Variants in KCNN2 observed in about 807,000 individuals in gnomAD.
The protein encoded by KCNN2 is small conductance calcium-activated potassium channel protein 2.
In KCNN2, 24 loss-of-function variants were observed where a neutral mutation model predicts 55.5. The observed-to-expected ratio is 0.43, with a 90% CI of 0.31 to 0.61. KCNN2 has a LOEUF of 0.61. KCNN2 is among the 20% of genes least tolerant of loss of function. The probability of loss-of-function intolerance (pLI) is 0.08; values close to 1 mark genes in which losing one functional copy is unlikely to be tolerated. For missense variants in KCNN2, 754 were observed against 853.6 expected, an observed-to-expected ratio of 0.88 and a Z score of 1.45; for synonymous variants, 431 against 336.1, an observed-to-expected ratio of 1.28 and a Z score of -3.09.
intron 1 of KCNN2, among the ~76,000 whole-genome samples, chr5:114,113,963 C>T (rs994273578): frequency 3.3e-5 from 5 of 152,044 alleles, no homozygotes; most frequent in Non-Finnish European, 7.4e-5. Context: ...TTTGGGGTAG[C>T]ATATTTTGGG....
chr5:114,241,751 T>TAC lies in KCNN2; in HGVS notation c.-185+20186_-185+20187insAC, dbSNP rs1491525723. 2.0e-3 allele frequency among the ~76,000 whole-genome samples: 14 copies of TAC among 6,952 alleles called. 3 individuals are homozygous for TAC. Among genetic ancestry groups the TAC allele is most frequent in the African/African-American group, 3.8e-3 (8 of 2,102 alleles). 4.6% of individuals were successfully genotyped at this position (6,952 alleles called of 152,430 possible). ...ATATATACATATATACGTATATATA[T>TAC]GTATATATATACGTATATATATACA... On this transcript the variant is annotated intron_variant, in intron 2 of 10. Coordinates refer to the KCNN2 transcript ENST00000512097.
chr5:114,417,876 C>T (rs1167810894), intron 3 of KCNN2, among the ~76,000 whole-genome samples: 2 of 152,086 alleles, frequency 1.3e-5, no homozygotes, highest in Admixed American at 1.3e-4. Flanking sequence ...TATTTGATAC[C>T]ATCTGAATAG....
chr5:114,446,469 A>AT (rs1020744920), intron 3 of KCNN2, among the ~76,000 whole-genome samples: 46 of 152,130 alleles, frequency 3.0e-4, no homozygotes, highest in African/African-American at 1.1e-3. Flanking sequence ...TTTATATTTT[A>AT]TTTTTTGAGA....
intron 2 of KCNN2, among the ~76,000 whole-genome samples, chr5:114,321,134 A>G (rs778204895): frequency 2.6e-5 from 4 of 152,206 alleles, no homozygotes; most frequent in Non-Finnish European, 5.9e-5. Flanking sequence ...CTTTGAACCC[A>G]GGTACCTTCT....
chr5:114,285,424 G>A (rs994274141), intron 2 of KCNN2, among the ~76,000 whole-genome samples: 6 of 151,804 alleles, frequency 4.0e-5, no homozygotes, highest in Non-Finnish European at 8.8e-5. Flanking sequence ...GTTTAATAAT[G>A]TTAGAACATA....
At chr5:114,439,443 G>T (rs961840676) in intron 3 of KCNN2, among the ~76,000 whole-genome samples, 3 of 152,038 alleles carry the variant, frequency 2.0e-5, no homozygotes, top group Non-Finnish European at 4.4e-5. Context: ...TCTTTTTTAC[G>T]ATTGTACTCC....
intron 3 of KCNN2, among the ~76,000 whole-genome samples, chr5:114,413,233 T>C (rs1219496932): frequency 6.6e-6 from 1 of 152,170 alleles, no homozygotes; most frequent in Non-Finnish European, 1.5e-5. Flanking sequence ...CAAATTCAAT[T>C]TTCTCTTCTT....
chr5:114,106,351 G>A (rs1751482571), intron 1 of KCNN2, among the ~76,000 whole-genome samples: 1 of 150,356 alleles, frequency 6.7e-6, no homozygotes, highest in Admixed American at 6.7e-5. Flanking sequence ...TCATTGCTAT[G>A]GTATATATAT....
At chr5:114,367,728 C>G (rs1379001975) in intron 2 of KCNN2, among the ~76,000 whole-genome samples, 1 of 152,016 alleles carries the variant, frequency 6.6e-6, no homozygotes, top group East Asian at 1.9e-4. Context: ...CGGAGTTCAA[C>G]TATCCTTTAA....
At position 114,109,578 on chromosome 5, in the gene KCNN2, G is replaced by A. The variant is rs965070959; in HGVS notation, c.-271+53078G>A. ...TTTGTCTTAGCCATAACACCTTGGA[G>A]AGTAATGACACAACCGAATATGACC... is the stretch of plus-strand genomic sequence containing the variant. On this transcript the variant is annotated intron_variant, in intron 1 of 10. Transcript: ENST00000512097. 3.3e-5 allele frequency among the ~76,000 whole-genome samples: 5 copies of A among 152,160 alleles called. No homozygotes were observed. In the East Asian group the frequency reaches 9.7e-4, roughly 30 times the overall value.
At chr5:114,247,614 C>T (rs1754772983) in intron 2 of KCNN2, among the ~76,000 whole-genome samples, 1 of 152,170 alleles carries the variant, frequency 6.6e-6, no homozygotes, top group South Asian at 2.1e-4. Context: ...GAATAGTTAA[C>T]TTGCCTAATG....
At chr5:114,426,004 A>G (rs1017663563) in intron 3 of KCNN2, among the ~76,000 whole-genome samples, 2 of 145,660 alleles carry the variant, frequency 1.4e-5, no homozygotes, top group African/African-American at 2.6e-5. Flanking sequence ...ACATTACAAA[A>G]CCCCATCTCT....
intron 2 of KCNN2, among the ~76,000 whole-genome samples, chr5:114,306,060 T>C (rs1433798771): frequency 6.6e-6 from 1 of 152,210 alleles, no homozygotes; most frequent in Non-Finnish European, 1.5e-5. Flanking sequence ...TCAAGGTTTC[T>C]ATAGATTGCA....
At chr5:114,443,866 A>G (rs1461595912) in intron 3 of KCNN2, among the ~76,000 whole-genome samples, 4 of 152,192 alleles carry the variant, frequency 2.6e-5, no homozygotes, top group African/African-American at 9.6e-5. Flanking sequence ...CTAATTTGTC[A>G]TGTGGCTGGT....
intron 2 of KCNN2, among the ~76,000 whole-genome samples, chr5:114,375,887 A>C (rs1048777002): frequency 1.4e-5 from 2 of 146,774 alleles, no homozygotes; most frequent in Admixed American, 1.4e-4. Flanking sequence ...TTTTAAAACT[A>C]TTTTTGATTT....
At chr5:114,199,111 T>C (rs1032800008) in intron 1 of KCNN2, among the ~76,000 whole-genome samples, 1 of 152,120 alleles carries the variant, frequency 6.6e-6, no homozygotes, top group Admixed American at 6.5e-5. Context: ...TGCTTTGATA[T>C]TGGGTGCATA....
intron 1 of KCNN2, among the ~76,000 whole-genome samples, chr5:114,201,837 C>T (rs1364607408): frequency 6.6e-6 from 1 of 152,026 alleles, no homozygotes; most frequent in African/African-American, 2.4e-5. Flanking sequence ...GTTTCCCTGT[C>T]TGTCCTTGGC....
At chr5:114,401,337 A>T (rs560873460) in intron 2 of KCNN2, among the ~76,000 whole-genome samples, 8 of 152,322 alleles carry the variant, frequency 5.3e-5, no homozygotes, top group African/African-American at 1.9e-4. Context: ...ATGCTGCTGC[A>T]ATGACTTATT....
chr5:114,266,193 G>A (rs1357071850), intron 2 of KCNN2, among the ~76,000 whole-genome samples: 1 of 151,970 alleles, frequency 6.6e-6, no homozygotes, highest in Non-Finnish European at 1.5e-5. Context: ...CCAAGTCTTT[G>A]ATCAGTGTGT....
Sources: gnomAD v4.1 joint callset for allele counts (sites outside exome capture counted in the v4.1 genomes callset) on GRCh38, gnomAD v4.1.1 for gene constraint, MANE v1.5 for transcripts, NCBI Gene and HGNC (gene_info 2026-07-23, HGNC 2026-07-21) for gene names.